CYP2C19: variants seen among roughly 807,000 people sequenced by gnomAD.
CYP2C19 encodes the protein cytochrome P450 family 2 subfamily C member 19.
A neutral mutation model predicts 40.9 loss-of-function variants in CYP2C19; 59 were observed. The observed-to-expected ratio is 1.44, with a 90% CI of 1.17 to 1.79. CYP2C19 has a LOEUF of 1.79. Among genes scored for constraint, CYP2C19 ranks in the 40% most tolerant of loss-of-function variants. The pLI, the probability that CYP2C19 is intolerant of heterozygous loss-of-function variation, is 0.00. For missense variants in CYP2C19, 754 were observed against 596.9 expected (o/e 1.26, Z -2.74); for synonymous variants, 253 against 208.7 (o/e 1.21, Z -1.83).
chr10:94,834,134 G>T lies in CYP2C19; in HGVS notation c.962-8703G>T, dbSNP rs192433273. Among the ~76,000 whole-genome samples the T allele has an allele frequency of 3.1e-3, 475 of 152,166 alleles. 3 individuals carry two copies. The highest frequency in any genetic ancestry group is 0.011 in the African/African-American group (448 of 41,514). On this transcript the variant is annotated intron_variant, in intron 6 of 8. Transcript: ENST00000371321. Reference sequence around the variant, plus strand: ...AGCAGTGAAGCCATCAAGTCTTGGGGTTTTCCTTATTGGGATAATTTTTAT... The same window carrying T: ...AGCAGTGAAGCCATCAAGTCTTGGGTTTTTCCTTATTGGGATAATTTTTAT...
At chr10:94,829,412 C>G (rs890938896) in intron 6 of CYP2C19, among the ~76,000 whole-genome samples, 2 of 151,950 alleles carry the variant, frequency 1.3e-5, no homozygotes, top group African/African-American at 4.8e-5. Flanking sequence ...ATTTCATCTT[C>G]CATTGCTGAT....
intron 1 of CYP2C19, among the ~76,000 whole-genome samples, chr10:94,767,393 T>G (rs1473332739): frequency 1.3e-5 from 2 of 152,202 alleles, no homozygotes; most frequent in African/African-American, 4.8e-5. Flanking sequence ...AATCTAGGAA[T>G]TATTTCATGA....
intron 6 of CYP2C19, among the ~76,000 whole-genome samples, chr10:94,834,077 A>G (rs1040683268): frequency 2.0e-5 from 3 of 152,122 alleles, no homozygotes; most frequent in Admixed American, 6.5e-5. Flanking sequence ...TAGGGTTGGT[A>G]TTAGTTCTTT....
rs138175779 is a variant in CYP2C19, at chr10:94,836,384, A to G, written c.962-6453A>G. On this transcript the variant is annotated intron_variant, in intron 6 of 8. Coordinates refer to ENST00000371321, the MANE Select transcript of CYP2C19 (RefSeq NM_000769.4). The stretch of plus-strand genomic sequence containing the variant: ...CTTGGACCTGTGTAAGGACTCCTAG[A>G]GCTATTCCTGTTTTTTTTCTGTGTT... Among the ~76,000 whole-genome samples, 773 of 151,798 alleles carry G rather than the reference A, an allele frequency of 5.1e-3. 14 individuals carry two copies. Among genetic ancestry groups the G allele is most frequent in the African/African-American group, 0.017 (711 of 41,478 alleles).
chr10:94,783,341 G>C (rs1848502341), intron 5 of CYP2C19, among the ~76,000 whole-genome samples: 1 of 152,066 alleles, frequency 6.6e-6, no homozygotes, highest in Admixed American at 6.6e-5. Flanking sequence ...GTGAGAGTCA[G>C]AAGAGGGGTT....
intron 4 of CYP2C19, 43 bp downstream of exon 4, chr10:94,780,702 T>C: frequency 6.2e-7 from 1 of 1,603,070 alleles, no homozygotes; most frequent in East Asian, 2.2e-5. Context: ...ACTTACAGTC[T>C]TTTTTTCTGG....
At chr10:94,822,152 A>G (rs924327534) in intron 6 of CYP2C19, among the ~76,000 whole-genome samples, 3 of 152,230 alleles carry the variant, frequency 2.0e-5, no homozygotes, top group Middle Eastern at 6.8e-3. Flanking sequence ...ATAGTATTCC[A>G]TGGTGTATAT....
intron 6 of CYP2C19, among the ~76,000 whole-genome samples, chr10:94,831,987 G>A (rs2134278638): frequency 6.6e-6 from 1 of 152,302 alleles, no homozygotes; most frequent in East Asian, 1.9e-4. Context: ...CTAGACCAAT[G>A]TCCTGGAGAT....
intron 6 of CYP2C19, among the ~76,000 whole-genome samples, chr10:94,833,301 T>C (rs1265235638): frequency 6.6e-6 from 1 of 152,232 alleles, no homozygotes; most frequent in East Asian, 1.9e-4. Context: ...GTATGAAGAA[T>C]AACAATGGCA....
intron 7 of CYP2C19, among the ~76,000 whole-genome samples, chr10:94,848,333 G>T (rs533050168): frequency 6.6e-6 from 1 of 152,244 alleles, no homozygotes; most frequent in East Asian, 1.9e-4. Flanking sequence ...ATTAAATAGG[G>T]AATCCTTTCC....
intron 6 of CYP2C19, among the ~76,000 whole-genome samples, chr10:94,836,938 G>A (rs1589374228): frequency 1.2e-4 from 18 of 152,258 alleles, no homozygotes; most frequent in Admixed American, 1.2e-3. Context: ...ATAGATGGGG[G>A]CTATCCTTGA....
intron 1 of CYP2C19, among the ~76,000 whole-genome samples, chr10:94,771,716 C>A (rs1012135159): frequency 6.6e-6 from 1 of 152,112 alleles, no homozygotes; most frequent in Non-Finnish European, 1.5e-5. Flanking sequence ...GCCCAGGAAC[C>A]TGCAACAGTC....
chr10:94,770,869 C>T (rs1243089863), intron 1 of CYP2C19, among the ~76,000 whole-genome samples: 1 of 152,150 alleles, frequency 6.6e-6, no homozygotes, highest in Non-Finnish European at 1.5e-5. Flanking sequence ...GGGATCCATA[C>T]TGGGGATGGC....
intron 1 of CYP2C19, among the ~76,000 whole-genome samples, chr10:94,772,406 C>T (rs939025862): frequency 2.0e-5 from 3 of 152,098 alleles, no homozygotes; most frequent in Non-Finnish European, 4.4e-5. Context: ...ACTAGAAAAG[C>T]ACCAGAGACA....
At chr10:94,811,095 T>C (rs1012167318) in intron 5 of CYP2C19, among the ~76,000 whole-genome samples, 9 of 152,318 alleles carry the variant, frequency 5.9e-5, no homozygotes, top group South Asian at 2.1e-4. Context: ...CTTGTTCTCA[T>C]TGGTTTCAAA....
chr10:94,850,760 T>C (rs1972341), intron 8 of CYP2C19, among the ~76,000 whole-genome samples: 148,885 of 152,322 alleles, frequency 0.98, 72,866 homozygotes, highest in East Asian at 1. Flanking sequence ...AGGAGCAGGA[T>C]ATTGGCTCTA....
At chr10:94,777,972 A>AC (rs927466307) in intron 3 of CYP2C19, among the ~76,000 whole-genome samples, 3 of 130,938 alleles carry the variant, frequency 2.3e-5, no homozygotes, top group Non-Finnish European at 3.4e-5. Flanking sequence ...AACAACAACA[A>AC]AAAAAAACTG....
At chr10:94,837,243 T>C (rs1465743491) in intron 6 of CYP2C19, among the ~76,000 whole-genome samples, 3 of 152,292 alleles carry the variant, frequency 2.0e-5, no homozygotes, top group Middle Eastern at 3.4e-3. Flanking sequence ...GGCTATTGCA[T>C]GGTTTTACTA....
chr10:94,843,783 A>T (rs1347534012), intron 7 of CYP2C19, among the ~76,000 whole-genome samples: 1 of 152,118 alleles, frequency 6.6e-6, no homozygotes, highest in Non-Finnish European at 1.5e-5. Context: ...CATTGGCTAG[A>T]ATTTCTAGGA....
Sources: allele counts gnomAD v4.1 joint callset (sites outside exome capture counted in the v4.1 genomes callset), GRCh38; gene constraint gnomAD v4.1.1; transcripts MANE v1.5; gene names NCBI Gene and HGNC (gene_info 2026-07-23, HGNC 2026-07-21).